The following ZNF7 variants were observed in gnomAD, a reference collection of about 807,000 sequenced individuals.
The protein encoded by ZNF7 is zinc finger protein 7.
ZNF7 carries 10 observed loss-of-function variants against 12.0 expected under a neutral mutation model. That is an observed-to-expected ratio of 0.83 (90% CI 0.51 to 1.42). The LOEUF is 1.42. ZNF7 is among the 40% of genes most tolerant of loss of function. The pLI is 0.00. For synonymous variants in ZNF7, 334 were observed against 295.0 expected (o/e 1.13, Z -1.35); for missense variants, 854 against 837.2 (o/e 1.02, Z -0.25).
In ZNF7 at chr8:144,841,345, T is replaced by C. The variant is rs775875761; in HGVS notation, c.248-10T>C. 1.6e-5 allele frequency: 26 copies of C among 1,593,932 alleles called. No individual in the cohort carries two copies. The highest frequency in any genetic ancestry group is 2.2e-5 in the South Asian group (2 of 89,646). ...GGCCTAAGGAACGTCTTTGTTCCTG[T>C]TTATTTCAGATTCTACGATTAGGAC... On this transcript the variant is annotated splice_polypyrimidine_tract_variant and intron_variant, in intron 4 of 4. Coordinates refer to ENST00000532777, the MANE Select transcript of ZNF7 (RefSeq NM_003416.4).
chr8:144,834,505 A>G (rs1190086337), intron 3 of ZNF7: 4 of 152,188 alleles, frequency 2.6e-5, no homozygotes, highest in Non-Finnish European at 5.9e-5. Flanking sequence ...GTTTTTAATC[A>G]TAAATACTGA....
At position 144,842,104 on chromosome 8, in the gene ZNF7, C is replaced by T; in HGVS notation, c.997C>T (p.Pro333Ser). Residue 333 changes from proline to serine, a missense_variant, in exon 5 of 5, where the codon CCC (proline) becomes TCC (serine). Physicochemically the swap from Pro to Ser is moderately conservative, Grantham distance 74. Coordinates refer to ENST00000532777, the MANE Select transcript of ZNF7 (RefSeq NM_003416.4). Reference protein sequence around the residue: ...HHQRIHTGERPYGCRECGKAF... With the variant: ...HHQRIHTGERSYGCRECGKAF... ...TCAGAGAATCCACACAGGAGAGAGGCCCTATGGTTGTCGTGAGTGTGGGAA... is the reference window on the plus strand; with the variant it reads ...TCAGAGAATCCACACAGGAGAGAGGTCCTATGGTTGTCGTGAGTGTGGGAA... The T allele has an allele frequency of 6.2e-7, 1 of 1,614,162 alleles. No individual in the cohort carries two copies. The highest frequency in any genetic ancestry group is 8.5e-7 in the Non-Finnish European group (1 of 1,180,036).
chr8:144,844,640 C>T (rs1830392139), downstream of ZNF7, among the ~76,000 whole-genome samples: 1 of 141,488 alleles, frequency 7.1e-6, no homozygotes, highest in Non-Finnish European at 1.5e-5. Context: ...ACCTGGGAGG[C>T]AGAGCTTGCA....
chr8:144,843,212 C>CCTTAA lies in ZNF7; in HGVS notation c.*49_*53dup, dbSNP rs751094974. On this transcript the variant is annotated 3_prime_UTR_variant, in exon 5 of 5. Transcript: ENST00000532777. ...TGTATATATGTGAATAAACCTATAGCCTTAACTTACTTATTTTATATGGAA... is the reference window on the plus strand; with the variant it reads ...TGTATATATGTGAATAAACCTATAGCCTTAACTTAACTTACTTATTTTATATGGAA... 7.6e-5 allele frequency: 114 copies of CCTTAA among 1,503,390 alleles called. 1 individual carries two copies. The South Asian group carries it at 1.5e-3, about 20-fold the overall frequency. The allele number at this position is 1,503,390 out of a possible 1,614,324, so 93.1% of individuals were successfully genotyped here. A position where few individuals can be genotyped will look rare whatever the true frequency, so the allele number is the denominator to read the frequency against.
Position 144,842,367 on chromosome 8 carries a change from A to G in ZNF7, c.1260A>G (p.Lys420=), listed in dbSNP as rs557408119. ...CATTTAAGTGTGATGAGTGTGGGAA[A>G]GCTTTTAGGTGGATCTCTCGCCTGA... The part of the protein sequence containing the change: ...EKPFKCDECG[K]AFRWISRLSQ... The change falls in exon 5 of 5, where the codon AAA becomes AAG. Residue 420 remains lysine (K), a synonymous_variant. Transcript: ENST00000532777. 20 of 1,614,086 alleles carry G rather than the reference A, an allele frequency of 1.2e-5. No individual in the cohort carries two copies. The East Asian group carries it at 2.5e-4, about 20-fold the overall frequency.
chr8:144,830,711 C>T (rs1828344175), intron 3 of ZNF7, among the ~76,000 whole-genome samples: 1 of 150,952 alleles, frequency 6.6e-6, no homozygotes, highest in South Asian at 2.1e-4. Flanking sequence ...TAGGAAAAGA[C>T]ACATGCAGTG....
rs938472139 is a variant in ZNF7 at position 144,842,046 on chromosome 8, A to G, written c.939A>G (p.Lys313=). The change falls in exon 5 of 5, where the codon AAA becomes AAG. Residue 313 remains lysine (K), a synonymous_variant. Coordinates refer to ENST00000532777, the MANE Select transcript of ZNF7 (RefSeq NM_003416.4). ...EKPYRCEECG[K]AFGQSSSLIH... is the part of the protein sequence containing the mutation. ...CCTACAGATGTGAGGAATGTGGAAAAGCTTTTGGTCAGAGCTCAAGCCTCA... is the reference window on the plus strand; with the variant it reads ...CCTACAGATGTGAGGAATGTGGAAAGGCTTTTGGTCAGAGCTCAAGCCTCA... 3.7e-6 allele frequency: 6 copies of G among 1,613,984 alleles called. No individual in the cohort carries two copies. The highest frequency in any genetic ancestry group is 4.2e-6 in the Non-Finnish European group (5 of 1,180,008).
downstream of ZNF7, chr8:144,846,105 C>T (rs539952451): frequency 5.0e-5 from 77 of 1,536,076 alleles, no homozygotes; most frequent in South Asian, 5.5e-4. Flanking sequence ...GGGCTCTCGT[C>T]ATCTCCTCTT....
At position 144,843,212 on chromosome 8, in the gene ZNF7, CCTTAACTTA is replaced by C. The variant is rs1563848053; in HGVS notation, c.*49_*57del. On this transcript the variant is annotated 3_prime_UTR_variant, in exon 5 of 5. Transcript: ENST00000532777. ...TGTATATATGTGAATAAACCTATAGCCTTAACTTACTTATTTTATATGGAATCGTTTATA... is the reference window on the plus strand; with the variant it reads ...TGTATATATGTGAATAAACCTATAGCCTTATTTTATATGGAATCGTTTATA... 1.3e-5 allele frequency: 19 copies of C among 1,503,272 alleles called. No homozygotes were observed. Among genetic ancestry groups the C allele is most frequent in the Non-Finnish European group, 1.6e-5 (18 of 1,125,176 alleles). The allele number at this position is 1,503,272 out of a possible 1,614,324, so 93.1% of individuals were successfully genotyped here.
chr8:144,838,718 G>A (rs2727230), intron 4 of ZNF7: 53,788 of 152,306 alleles, frequency 0.35, 9,623 homozygotes, highest in South Asian at 0.46. Context: ...CGAGGTGGGC[G>A]GATCACGAGG....
At chr8:144,838,701 G>C (rs975451293) in intron 4 of ZNF7, 3 of 152,726 alleles carry the variant, frequency 2.0e-5, no homozygotes, top group Non-Finnish European at 2.9e-5. Flanking sequence ...CTAGCGATTT[G>C]GGAGGCCGAG....
chr8:144,838,008 C>T (rs1451255534), intron 4 of ZNF7: 2 of 698,212 alleles, frequency 2.9e-6, no homozygotes, highest in Non-Finnish European at 5.2e-6. Flanking sequence ...TGTCTCACAG[C>T]TGTGGAGGCC....
intron 3 of ZNF7, chr8:144,830,969 C>G (rs1828386481): frequency 2.2e-6 from 1 of 456,426 alleles, no homozygotes; most frequent in Admixed American, 2.3e-5. Context: ...TTATCTGTGT[C>G]CATGCTTTCC....
Position 144,837,984 on chromosome 8 carries a change from C to T in ZNF7, c.247+477C>T, listed in dbSNP as rs1051470318. On this transcript the variant is annotated intron_variant, in intron 4 of 4. Transcript: ENST00000532777. ...GAACCACAGACTAGGAAGCTTAAAACAACAGAAATTTATTGTCTCACAGCT... is the reference window on the plus strand; with the variant it reads ...GAACCACAGACTAGGAAGCTTAAAATAACAGAAATTTATTGTCTCACAGCT... The T allele has an allele frequency of 4.4e-6, 3 of 681,642 alleles. No individual in the cohort carries two copies. In the African/African-American group the frequency reaches 5.3e-5, roughly 12 times the overall value. The allele number at this position is 681,642 out of a possible 1,614,324, so 42.2% of individuals were successfully genotyped here.
Position 144,842,891 on chromosome 8 carries a change from A to G in ZNF7, c.1784A>G (p.Tyr595Cys). 6.2e-7 allele frequency: 1 copy of G among 1,614,234 alleles called. No individual in the cohort carries two copies. The highest frequency in any genetic ancestry group is 8.5e-7 in the Non-Finnish European group (1 of 1,180,036). Reference protein sequence around the residue: ...ECGKAFSRSSYLIEHQRIHTR... With the variant: ...ECGKAFSRSSCLIEHQRIHTR... Reference sequence around the variant, plus strand: ...GGAAAAGCCTTCAGCCGGAGCTCATATCTTATTGAACACCAGAGAATACAC... The same window carrying G: ...GGAAAAGCCTTCAGCCGGAGCTCATGTCTTATTGAACACCAGAGAATACAC... The change falls in exon 5 of 5, where the codon TAT becomes TGT. Residue 595 changes from tyrosine to cysteine, a missense_variant. Coordinates refer to ENST00000532777, the MANE Select transcript of ZNF7 (RefSeq NM_003416.4).
In ZNF7 at chr8:144,843,527, G is replaced by C. The variant is rs932559953; in HGVS notation, c.*359G>C. 1.3e-5 allele frequency: 2 copies of C among 154,952 alleles called. No individual in the cohort carries two copies. The highest frequency in any genetic ancestry group is 5.1e-5 in the African/African-American group (2 of 38,978). 9.6% of individuals were successfully genotyped at this position (154,952 alleles called of 1,614,324 possible). A position where few individuals can be genotyped will look rare whatever the true frequency, so the allele number is the denominator to read the frequency against. ...GGCATCAGCCCAGGAGGCGGAGCTT[G>C]CAGTGAGCTGAGATCGCGCCACTGC... On this transcript the variant is annotated 3_prime_UTR_variant, in exon 5 of 5. Transcript: ENST00000532777.
intron 4 of ZNF7, among the ~76,000 whole-genome samples, chr8:144,839,696 C>G (rs1046582698): frequency 6.6e-6 from 1 of 152,242 alleles, no homozygotes; most frequent in African/African-American, 2.4e-5. Flanking sequence ...ATAAAACATG[C>G]AGCAGCACAA....
chr8:144,838,265 C>G, intron 4 of ZNF7: 1 of 626,598 alleles, frequency 1.6e-6, no homozygotes, highest in South Asian at 1.8e-5. Flanking sequence ...GGGGCCACCC[C>G]AGTGACCTCA....
Position 144,842,414 on chromosome 8 carries a change from C to T in ZNF7, c.1307C>T (p.Thr436Ile), listed in dbSNP as rs1298887504. The stretch of plus-strand genomic sequence containing the variant: ...CTGAGTCAGCATCAGCTGATTCACA[C>T]TGGAGAGAAGCCTTATAAATGCAAC... ...SRLSQHQLIHTGEKPYKCNKC... is the reference protein window; with the variant it reads ...SRLSQHQLIHIGEKPYKCNKC... The change falls in exon 5 of 5, where the codon ACT becomes ATT. Residue 436 changes from threonine to isoleucine, a missense_variant. Coordinates refer to ENST00000532777, the MANE Select transcript of ZNF7 (RefSeq NM_003416.4). 1 of 1,613,966 alleles carries T rather than the reference C, an allele frequency of 6.2e-7. No homozygotes were observed. Among genetic ancestry groups the T allele is most frequent in the African/African-American group, 1.3e-5 (1 of 74,932 alleles).
Sources: gnomAD v4.1 joint callset for allele counts (sites outside exome capture counted in the v4.1 genomes callset) on GRCh38, gnomAD v4.1.1 for gene constraint, MANE v1.5 for transcripts, NCBI Gene and HGNC (gene_info 2026-07-23, HGNC 2026-07-21) for gene names.